The following GRID1 variants were observed in gnomAD, a reference collection of about 807,000 sequenced individuals.
GRID1 encodes glutamate ionotropic receptor delta type subunit 1.
GRID1 carries 28 observed loss-of-function variants against 98.0 expected under a neutral mutation model. That is an observed-to-expected ratio of 0.29 (90% CI 0.21 to 0.39). GRID1 has a LOEUF of 0.39. Among genes scored for constraint, GRID1 ranks in the 10% least tolerant of loss-of-function variants. GRID1 has a pLI of 1.00. For missense variants in GRID1, 1,111 were observed against 1,340.5 expected, an observed-to-expected ratio of 0.83 and a Z score of 2.67; for synonymous variants, 553 against 538.5, an observed-to-expected ratio of 1.03 and a Z score of -0.37.
Position 86,335,401 on chromosome 10 carries a change from G to A in GRID1, c.235+28540C>T, listed in dbSNP as rs890707275. Among the ~76,000 whole-genome samples the A allele has an allele frequency of 2.6e-5, 4 of 152,222 alleles. No homozygotes were observed. The South Asian group carries it at 8.3e-4, about 32-fold the overall frequency. ...ATGTTCAACTGAGCCTGCAAACACTGAGCTCACAAAAGTTAATGGGCTTCT... is the reference window on the plus strand; with the variant it reads ...ATGTTCAACTGAGCCTGCAAACACTAAGCTCACAAAAGTTAATGGGCTTCT... On this transcript the variant is annotated intron_variant, in intron 2 of 15. Coordinates refer to ENST00000327946, the MANE Select transcript of GRID1 (RefSeq NM_017551.3).
intron 12 of GRID1, among the ~76,000 whole-genome samples, chr10:85,681,080 C>G (rs562817871): frequency 6.6e-6 from 1 of 152,130 alleles, no homozygotes; most frequent in African/African-American, 2.4e-5. Flanking sequence ...TTCGTCACTA[C>G]GCAATATATC....
At chr10:86,055,147 G>C (rs1843555281) in intron 4 of GRID1, among the ~76,000 whole-genome samples, 1 of 152,206 alleles carries the variant, frequency 6.6e-6, no homozygotes, top group Non-Finnish European at 1.5e-5. Context: ...ACCCAGGAAA[G>C]CAAACCTACC....
In GRID1 at chr10:85,756,474, A is replaced by T. The variant is rs7896846; in HGVS notation, c.1234-26860T>A. Among the ~76,000 whole-genome samples, 136 of 152,330 alleles carry T rather than the reference A, an allele frequency of 8.9e-4. 1 individual carries two copies. Among genetic ancestry groups the T allele is most frequent in the African/African-American group, 3.1e-3 (129 of 41,580 alleles). On this transcript the variant is annotated intron_variant, in intron 8 of 15. Transcript: ENST00000327946. ...AAATAAGGGTTACTTGAACACAAGC[A>T]TTGAAATCCTAAGACAGACAATCTG...
chr10:85,728,360 T>C (rs1841785811), intron 9 of GRID1, among the ~76,000 whole-genome samples: 1 of 152,182 alleles, frequency 6.6e-6, no homozygotes, highest in Non-Finnish European at 1.5e-5. Context: ...CCTCCGTTTG[T>C]AACATCCATG....
At chr10:86,254,920 C>T (rs1038493719) in intron 2 of GRID1, among the ~76,000 whole-genome samples, 4 of 152,224 alleles carry the variant, frequency 2.6e-5, no homozygotes, top group South Asian at 4.1e-4. Flanking sequence ...GGAAAACCTC[C>T]AGGACTCAGG....
intron 4 of GRID1, among the ~76,000 whole-genome samples, chr10:85,984,038 G>A (rs994337577): frequency 2.0e-5 from 3 of 151,792 alleles, no homozygotes; most frequent in Non-Finnish European, 2.9e-5. Flanking sequence ...CCCCACCCTG[G>A]CGACTGGACT....
At chr10:86,023,075 C>G (rs1843070882) in intron 4 of GRID1, among the ~76,000 whole-genome samples, 1 of 152,098 alleles carries the variant, frequency 6.6e-6, no homozygotes, top group Admixed American at 6.6e-5. Flanking sequence ...CCTCCAAACC[C>G]CAGCCCAGGG....
chr10:85,603,243 A>G (rs2132501234), intron 15 of GRID1, among the ~76,000 whole-genome samples: 1 of 152,350 alleles, frequency 6.6e-6, no homozygotes, highest in South Asian at 2.1e-4. Context: ...GCCTGGAGCC[A>G]GAGAGAAGCC....
chr10:85,838,578 A>G (rs1842933167), intron 8 of GRID1, among the ~76,000 whole-genome samples: 1 of 152,162 alleles, frequency 6.6e-6, no homozygotes, highest in Non-Finnish European at 1.5e-5. Context: ...TTAGCAAAGG[A>G]GCATTTTCAG....
chr10:85,605,431 C>T (rs893180216), intron 15 of GRID1: 2 of 152,326 alleles, frequency 1.3e-5, no homozygotes, highest in East Asian at 1.9e-4. Flanking sequence ...AAGCTGGTCA[C>T]CCTCACTGTC....
intron 13 of GRID1, among the ~76,000 whole-genome samples, chr10:85,639,222 A>T (rs1843085180): frequency 6.6e-6 from 1 of 152,184 alleles, no homozygotes. Context: ...CATACAATAG[A>T]ATATCATTCC....
intron 2 of GRID1, among the ~76,000 whole-genome samples, chr10:86,286,667 T>C (rs1257834278): frequency 3.9e-5 from 6 of 152,204 alleles, no homozygotes; most frequent in Non-Finnish European, 8.8e-5. Context: ...GATTTCATCA[T>C]AGTCCTGCCC....
rs367734684 is a variant in GRID1 at position 86,020,911 on chromosome 10, A to G, written c.727-104672T>C. ...ACATATAGAAAAGTACAAAAACCCTAAGACTAGTGAATTTTCATAAATGAA... is the reference window on the plus strand; with the variant it reads ...ACATATAGAAAAGTACAAAAACCCTGAGACTAGTGAATTTTCATAAATGAA... On this transcript the variant is annotated intron_variant, in intron 4 of 15. Transcript: ENST00000327946. Among the ~76,000 whole-genome samples, 6 of 152,292 alleles carry G rather than the reference A, an allele frequency of 3.9e-5. No individual in the cohort carries two copies. The South Asian group carries it at 6.2e-4, about 16-fold the overall frequency.
chr10:85,749,172 C>G (rs1842023998), intron 8 of GRID1, among the ~76,000 whole-genome samples: 1 of 152,202 alleles, frequency 6.6e-6, no homozygotes, highest in African/African-American at 2.4e-5. Flanking sequence ...TTCTAAATTT[C>G]TCAGCTTCAT....
chr10:86,242,835 CAG>C (rs1846659901), intron 2 of GRID1, among the ~76,000 whole-genome samples: 1 of 152,312 alleles, frequency 6.6e-6, no homozygotes, highest in South Asian at 2.1e-4. Flanking sequence ...AACTCAGGCA[CAG>C]AGAGGTAACA....
rs1356451232 is a variant in GRID1 at position 86,316,465 on chromosome 10, C to T, written c.235+47476G>A. Among the ~76,000 whole-genome samples, 3 of 152,238 alleles carry T rather than the reference C, an allele frequency of 2.0e-5. No homozygotes were observed. In the East Asian group the frequency reaches 5.8e-4, roughly 29 times the overall value. ...ATCAGGCACAGCCTGGCCCCTGAAG[C>T]TCTGCACATGCCTGAAACCAGACAA... On this transcript the variant is annotated intron_variant, in intron 2 of 15. Coordinates refer to ENST00000327946, the MANE Select transcript of GRID1 (RefSeq NM_017551.3).
intron 2 of GRID1, among the ~76,000 whole-genome samples, chr10:86,358,589 T>C (rs949040973): frequency 6.6e-6 from 1 of 151,826 alleles, no homozygotes; most frequent in Admixed American, 6.6e-5. Context: ...AAATCCCGTC[T>C]CTACTAAAAA....
intron 3 of GRID1, among the ~76,000 whole-genome samples, chr10:86,151,418 C>A: frequency 6.6e-6 from 1 of 151,886 alleles, no homozygotes; most frequent in East Asian, 1.9e-4. Flanking sequence ...TGCACCAAGA[C>A]ACAGCAACTC....
At chr10:86,148,223 G>A (rs980573360) in intron 3 of GRID1, among the ~76,000 whole-genome samples, 1 of 152,226 alleles carries the variant, frequency 6.6e-6, no homozygotes, top group African/African-American at 2.4e-5. Context: ...AGCCTTGGTG[G>A]TCACCAGCCG....
Sources: allele counts gnomAD v4.1 joint callset (sites outside exome capture counted in the v4.1 genomes callset), GRCh38; gene constraint gnomAD v4.1.1; transcripts MANE v1.5; gene names NCBI Gene and HGNC (gene_info 2026-07-23, HGNC 2026-07-21).